The following SQLE variants were observed in gnomAD, a reference collection of about 807,000 sequenced individuals.
SQLE encodes squalene monooxygenase.
SQLE carries 29 observed loss-of-function variants against 60.7 expected under a neutral mutation model. The ratio of observed to expected loss-of-function variants is 0.48; its 90% CI spans 0.36 to 0.65. SQLE has a LOEUF of 0.65. Ranked by LOEUF, SQLE falls within the 30% of genes least tolerant of loss-of-function variation. SQLE has a pLI of 0.00. For missense variants in SQLE, 605 were observed against 684.1 expected, an observed-to-expected ratio of 0.88 and a Z score of 1.29; for synonymous variants, 237 against 246.8, an observed-to-expected ratio of 0.96 and a Z score of 0.37.
At chr8:125,007,576 T>G in intron 4 of SQLE, 89 bp downstream of exon 4, 31 of 751,296 alleles carry the variant, frequency 4.1e-5, no homozygotes, top group Non-Finnish European at 5.5e-5. Flanking sequence ...GCTTACCGGT[T>G]TACATGTTGA....
chr8:125,009,076 C>T lies in SQLE; in HGVS notation c.928C>T (p.Leu310Phe). The T allele has an allele frequency of 6.3e-7, 1 of 1,594,182 alleles. No individual in the cohort carries two copies. Among genetic ancestry groups the T allele is most frequent in the East Asian group, 2.2e-5 (1 of 44,648 alleles). Residue 310 changes from leucine (L) to phenylalanine (F), a missense_variant, in exon 5 of 11, where the codon CTT becomes TTT. Coordinates refer to ENST00000265896, the MANE Select transcript of SQLE (RefSeq NM_003129.4). The stretch of plus-strand genomic sequence containing the variant: ...TGTATCATCTCATTTTGTTGGCTTT[C>T]TTATGAAGGTACTGTAGGAGTGTGT... ...VSVSSHFVGF[L>F]MKNAPQFKAN... is the part of the protein sequence containing the mutation.
Position 125,009,103 on chromosome 8 carries a change from A to T in SQLE, c.936+19A>T, listed in dbSNP as rs1815001488. 1.3e-6 allele frequency: 2 copies of T among 1,573,588 alleles called. No individual in the cohort carries two copies. The highest frequency in any genetic ancestry group is 8.6e-7 in the Non-Finnish European group (1 of 1,162,542). On this transcript the variant is annotated intron_variant, in intron 5 of 10. Coordinates refer to ENST00000265896, the MANE Select transcript of SQLE (RefSeq NM_003129.4). The stretch of plus-strand genomic sequence containing the variant: ...TATGAAGGTACTGTAGGAGTGTGTT[A>T]TTGTAATTTCAATAAAAGAAACTTG...
intron 7 of SQLE, 90 bp from the exon 8 acceptor site, chr8:125,017,969 T>A: frequency 7.2e-7 from 1 of 1,379,506 alleles, no homozygotes; most frequent in South Asian, 1.3e-5. Flanking sequence ...ATTATTAGCT[T>A]ACATCAGTAA....
In SQLE at chr8:125,003,324, G is replaced by A. The variant is rs368938983; in HGVS notation, c.440G>A (p.Arg147Lys). Residue 147 changes from arginine to lysine, a missense_variant, in exon 2 of 11, where the codon AGA becomes AAA. By Grantham distance (26) the Arg-to-Lys change is conservative. Transcript: ENST00000265896. ...ALAAVLSRDG[R>K]KVTVIERDLK... ...GCAGCTGTGCTTTCCAGAGATGGAA[G>A]AAAGGTGACAGTCATTGAGAGAGAC... The A allele has an allele frequency of 1.2e-6, 2 of 1,614,038 alleles. No individual in the cohort carries two copies. The highest frequency in any genetic ancestry group is 1.7e-5 in the Admixed American group (1 of 60,028).
chr8:125,017,205 G>T (rs1369917881), intron 7 of SQLE, among the ~76,000 whole-genome samples: 1 of 152,142 alleles, frequency 6.6e-6, no homozygotes, highest in Non-Finnish European at 1.5e-5. Context: ...CTTGAGGGCA[G>T]TGAGCTCCTG....
At chr8:125,008,405 A>T (rs529582814) in intron 4 of SQLE, among the ~76,000 whole-genome samples, 15 of 152,078 alleles carry the variant, frequency 9.9e-5, no homozygotes, top group East Asian at 9.6e-4. Context: ...TCCTTTTTTT[A>T]AAAAAAAATT....
intron 1 of SQLE, among the ~76,000 whole-genome samples, chr8:125,002,338 G>A (rs1814868279): frequency 6.6e-6 from 1 of 152,142 alleles, no homozygotes; most frequent in African/African-American, 2.4e-5. Flanking sequence ...AATTAACATA[G>A]ATTTTTCAAA....
At chr8:125,002,718 C>T (rs958893380) in intron 1 of SQLE, among the ~76,000 whole-genome samples, 1 of 152,068 alleles carries the variant, frequency 6.6e-6, no homozygotes. Context: ...AAGAAAATGT[C>T]TAAAAGGTGC....
chr8:124,998,981 C>T lies in SQLE; in HGVS notation c.-423C>T, dbSNP rs1238872737. 2 of 300,588 alleles carry T rather than the reference C, an allele frequency of 6.7e-6. No homozygotes were observed. The highest frequency in any genetic ancestry group is 2.1e-5 in the African/African-American group (1 of 46,622). 18.6% of individuals were successfully genotyped at this position (300,588 alleles called of 1,614,324 possible). A position where few individuals can be genotyped will look rare whatever the true frequency, so the allele number is the denominator to read the frequency against. On this transcript the variant is annotated 5_prime_UTR_variant, in exon 1 of 11. Coordinates refer to ENST00000265896, the MANE Select transcript of SQLE (RefSeq NM_003129.4). The stretch of plus-strand genomic sequence containing the variant: ...TGTTTCTGTGACCCTCCCTCCACTC[C>T]CATTCCCTTCTGAAAGGGCACCTGC...
At position 125,013,356 on chromosome 8, in the gene SQLE, C is replaced by CTTTTT. The variant is rs1554588049; in HGVS notation, c.1204+1733_1204+1737dup. ...AGATTTACTCCTATGTTTTCTTTTT[C>CTTTTT]TTTTTTTTTTTTTGAGATGGAGTTT... On this transcript the variant is annotated intron_variant, in intron 7 of 10. Coordinates refer to ENST00000265896, the MANE Select transcript of SQLE (RefSeq NM_003129.4). 1.5e-5 allele frequency among the ~76,000 whole-genome samples: 2 copies of CTTTTT among 136,450 alleles called. 1 individual carries two copies. The highest frequency in any genetic ancestry group is 7.0e-3 in the Middle Eastern group (2 of 286). The allele number at this position is 136,450 out of a possible 152,430, so 89.5% of individuals were successfully genotyped here.
intron 9 of SQLE, among the ~76,000 whole-genome samples, chr8:125,019,769 C>T (rs1815172590): frequency 2.0e-5 from 3 of 152,050 alleles, no homozygotes; most frequent in African/African-American, 7.2e-5. Flanking sequence ...CTGGCTGAGG[C>T]CCTAGTGATA....
chr8:125,005,586 C>T lies in SQLE; in HGVS notation c.606C>T (p.Ser202=), dbSNP rs1188085887. Residue 202 remains serine (S), a synonymous_variant, in exon 3 of 11, where the codon AGC becomes AGT. Coordinates refer to ENST00000265896, the MANE Select transcript of SQLE (RefSeq NM_003129.4). ...VNGYMIHDQE[S]KSEVQIPYPL... ...GTTACATGATTCATGATCAGGAAAG[C>T]AAATCAGAGGTTCAGATTCCTTACC... 6.2e-7 allele frequency: 1 copy of T among 1,611,656 alleles called. No homozygotes were observed. The highest frequency in any genetic ancestry group is 1.3e-5 in the African/African-American group (1 of 74,840).
At chr8:125,012,160 T>G (rs776322482) in intron 7 of SQLE, among the ~76,000 whole-genome samples, 6 of 152,150 alleles carry the variant, frequency 3.9e-5, no homozygotes, top group African/African-American at 1.4e-4. Flanking sequence ...CAGTTTCCTA[T>G]GGCAGGAGCA....
chr8:125,011,670 A>G (rs1815041405), intron 7 of SQLE, 38 bp downstream of exon 7: 2 of 1,468,876 alleles, frequency 1.4e-6, no homozygotes, highest in Non-Finnish European at 1.9e-6. Context: ...AGGAATCAGT[A>G]TTCCAAATGA....
rs1026997258 is a variant in SQLE at position 125,016,105 on chromosome 8, C to G, written c.1205-1954C>G. ...GGATTAAATCAATCACCAATCCTTGCTTGGTGTTCTGTAGCTTTCTTGTGC... is the reference window on the plus strand; with the variant it reads ...GGATTAAATCAATCACCAATCCTTGGTTGGTGTTCTGTAGCTTTCTTGTGC... On this transcript the variant is annotated intron_variant, in intron 7 of 10. Coordinates refer to ENST00000265896, the MANE Select transcript of SQLE (RefSeq NM_003129.4). The surrounding 1 kb of genome is among the most constrained non-coding windows in gnomAD (Gnocchi z 4.1). Among the ~76,000 whole-genome samples, 1 of 152,066 alleles carries G rather than the reference C, an allele frequency of 6.6e-6. No homozygotes were observed.
intron 10 of SQLE, among the ~76,000 whole-genome samples, chr8:125,021,172 G>T (rs939017737): frequency 1.3e-5 from 2 of 152,112 alleles, no homozygotes; most frequent in Non-Finnish European, 2.9e-5. Context: ...GAATAATTGA[G>T]AAATTTTAAT....
chr8:125,017,616 G>A (rs1339801328), intron 7 of SQLE, among the ~76,000 whole-genome samples: 1 of 152,160 alleles, frequency 6.6e-6, no homozygotes, highest in African/African-American at 2.4e-5. Context: ...CTGTCTCACT[G>A]GCCAAGCTGG....
intron 6 of SQLE, among the ~76,000 whole-genome samples, chr8:125,009,905 C>G (rs1193744222): frequency 6.6e-6 from 1 of 152,102 alleles, no homozygotes; most frequent in Non-Finnish European, 1.5e-5. Context: ...GGACACGAAT[C>G]TGACTCTGAA....
At chr8:125,001,494 A>C (rs1257656852) in intron 1 of SQLE, among the ~76,000 whole-genome samples, 1 of 140,016 alleles carries the variant, frequency 7.1e-6, no homozygotes, top group East Asian at 2.1e-4. Context: ...GTGTGTATAT[A>C]AAACAGGAAA....
Sources: allele counts gnomAD v4.1 joint callset (sites outside exome capture counted in the v4.1 genomes callset), GRCh38; gene constraint gnomAD v4.1.1; non-coding constraint Gnocchi (gnomAD v3.1); transcripts MANE v1.5; gene names NCBI Gene and HGNC (gene_info 2026-07-23, HGNC 2026-07-21).